SETBP1: variants seen among roughly 807,000 people sequenced by gnomAD.
SETBP1 encodes the protein SET binding protein 1, also known as SET-binding protein.
A neutral mutation model predicts 101.0 loss-of-function variants in SETBP1; 9 were observed. The observed-to-expected ratio is 0.09, with a 90% CI of 0.05 to 0.16. The LOEUF is 0.16. SETBP1 is among the 10% of genes least tolerant of loss of function. The probability of loss-of-function intolerance (pLI) is 1.00; values close to 1 mark genes in which losing one functional copy is unlikely to be tolerated. For missense variants in SETBP1, 1,858 were observed against 2,033.8 expected, an observed-to-expected ratio of 0.91 and a Z score of 1.66; for synonymous variants, 818 against 788.5, an observed-to-expected ratio of 1.04 and a Z score of -0.63.
chr18:44,872,156 A>G (rs1768356066), intron 3 of SETBP1: 1 of 152,230 alleles, frequency 6.6e-6, no homozygotes, highest in South Asian at 2.1e-4. Flanking sequence ...AAGAGGAATA[A>G]GAGCTGACAT....
chr18:44,924,865 C>T (rs1478704777), intron 3 of SETBP1, among the ~76,000 whole-genome samples: 1 of 152,120 alleles, frequency 6.6e-6, no homozygotes, highest in Non-Finnish European at 1.5e-5. Context: ...CAAATGTGTT[C>T]CCAGATGGTT....
chr18:45,052,890 A>C (rs1342683752), intron 5 of SETBP1, among the ~76,000 whole-genome samples: 2 of 152,356 alleles, frequency 1.3e-5, no homozygotes, highest in African/African-American at 4.8e-5. Context: ...ATTCCTAAAA[A>C]TCTGAGAACT....
At chr18:45,058,007 G>A (rs2073837081) in intron 5 of SETBP1, among the ~76,000 whole-genome samples, 1 of 152,202 alleles carries the variant, frequency 6.6e-6, no homozygotes, top group Admixed American at 6.5e-5. Context: ...GATAATGGGA[G>A]TGAAAAGATA....
intron 4 of SETBP1, among the ~76,000 whole-genome samples, chr18:44,975,968 CT>C (rs1451470050): frequency 4.6e-5 from 7 of 152,230 alleles, no homozygotes; most frequent in African/African-American, 1.4e-4. Context: ...GCTCTTTCTA[CT>C]TTCTGTCTAC....
Position 45,064,771 on chromosome 18 carries a change from C to T in SETBP1, c.*1073C>T, listed in dbSNP as rs904654292. ...CAAGTGTCTAGCAATGCCTTGGTAC[C>T]TGATCTTTTTCATTCAAATAATTGT... On this transcript the variant is annotated 3_prime_UTR_variant, in exon 6 of 6. Coordinates refer to ENST00000649279, the MANE Select transcript of SETBP1 (RefSeq NM_015559.3). The T allele has an allele frequency of 1.4e-5, 2 of 146,686 alleles. No individual in the cohort carries two copies. Among genetic ancestry groups the T allele is most frequent in the Non-Finnish European group, 3.0e-5 (2 of 67,352 alleles). 9.1% of individuals were successfully genotyped at this position (146,686 alleles called of 1,614,324 possible). A position where few individuals can be genotyped will look rare whatever the true frequency, so the allele number is the denominator to read the frequency against.
chr18:44,819,277 C>T (rs537895399), intron 2 of SETBP1, among the ~76,000 whole-genome samples: 5 of 152,260 alleles, frequency 3.3e-5, no homozygotes, highest in African/African-American at 4.8e-5. Context: ...ACCAGATACA[C>T]GCAAAATTCA....
intron 5 of SETBP1, among the ~76,000 whole-genome samples, chr18:45,040,914 G>T (rs2073495349): frequency 6.6e-6 from 1 of 152,132 alleles, no homozygotes; most frequent in Non-Finnish European, 1.5e-5. Context: ...CTTTTGGGGG[G>T]AAATAGGCCA....
In SETBP1 at chr18:45,039,119, C is replaced by T. The variant is rs146446700; in HGVS notation, c.4171+464C>T. Reference sequence around the variant, plus strand: ...CCAAAGCCCATGCTCTCAACCAGTGCGTTTCACTGCCTCCCTTGCTCATCA... The same window carrying T: ...CCAAAGCCCATGCTCTCAACCAGTGTGTTTCACTGCCTCCCTTGCTCATCA... On this transcript the variant is annotated intron_variant, in intron 5 of 5. Coordinates refer to ENST00000649279, the MANE Select transcript of SETBP1 (RefSeq NM_015559.3). Among the ~76,000 whole-genome samples the T allele has an allele frequency of 7.4e-4, 113 of 152,288 alleles. No individual in the cohort carries two copies. In the East Asian group the frequency reaches 0.02, roughly 27 times the overall value.
intron 2 of SETBP1, among the ~76,000 whole-genome samples, chr18:44,825,846 T>C (rs1008417918): frequency 2.0e-5 from 3 of 152,212 alleles, no homozygotes; most frequent in African/African-American, 7.2e-5. Context: ...GCGGAATAAG[T>C]ATGGTCCTTG....
At chr18:44,901,493 C>CTGAA (rs1193212521) in intron 3 of SETBP1, among the ~76,000 whole-genome samples, 2 of 152,184 alleles carry the variant, frequency 1.3e-5, no homozygotes, top group African/African-American at 2.4e-5. Flanking sequence ...AGGGGCAGCA[C>CTGAA]TTCAGCCTGT....
intron 2 of SETBP1, among the ~76,000 whole-genome samples, chr18:44,783,153 G>A (rs2071169946): frequency 6.6e-6 from 1 of 152,116 alleles, no homozygotes; most frequent in African/African-American, 2.4e-5. Context: ...ATAAAATAAT[G>A]GATTTGAAAT....
chr18:45,063,830 T>C lies in SETBP1; in HGVS notation c.*132T>C, dbSNP rs912333338. 4.7e-6 allele frequency: 5 copies of C among 1,058,808 alleles called. No individual in the cohort carries two copies. The highest frequency in any genetic ancestry group is 5.4e-6 in the Non-Finnish European group (4 of 738,910). The allele number at this position is 1,058,808 out of a possible 1,614,324, so 65.6% of individuals were successfully genotyped here. On this transcript the variant is annotated 3_prime_UTR_variant, in exon 6 of 6. Transcript: ENST00000649279. ...CTCTCCAGAAGCCGGGCAGGCAGAA[T>C]CCGGCCAGACGACGGGGCTGAGCCA...
intron 2 of SETBP1, among the ~76,000 whole-genome samples, chr18:44,747,119 C>T (rs755402507): frequency 9.9e-5 from 15 of 152,216 alleles, no homozygotes; most frequent in Admixed American, 4.6e-4. Flanking sequence ...TTCCTGGTGA[C>T]TCCAGCATCA....
At chr18:44,875,475 G>A (rs111776855) in intron 3 of SETBP1, among the ~76,000 whole-genome samples, 2 of 144,178 alleles carry the variant, frequency 1.4e-5, no homozygotes, top group African/African-American at 5.2e-5. Flanking sequence ...CGGGGAGTGA[G>A]CCGAGATCGC....
At chr18:44,718,685 C>T (rs993880508) in intron 2 of SETBP1, among the ~76,000 whole-genome samples, 2 of 152,094 alleles carry the variant, frequency 1.3e-5, no homozygotes, top group Non-Finnish European at 2.9e-5. Context: ...TCAGATGTTG[C>T]AAGTGGGGTA....
intron 2 of SETBP1, among the ~76,000 whole-genome samples, chr18:44,703,493 T>C (rs1162792414): frequency 6.6e-6 from 1 of 151,322 alleles, no homozygotes; most frequent in African/African-American, 2.4e-5. Context: ...TGTGGCTGAT[T>C]TTGTTGCATT....
chr18:44,984,076 C>T (rs2072175449), intron 4 of SETBP1, among the ~76,000 whole-genome samples: 1 of 152,114 alleles, frequency 6.6e-6, no homozygotes, highest in African/African-American at 2.4e-5. Context: ...TTGCATGAGC[C>T]TGTAATCCCA....
chr18:44,737,235 C>T (rs567729510), intron 2 of SETBP1, among the ~76,000 whole-genome samples: 1 of 152,334 alleles, frequency 6.6e-6, no homozygotes, highest in South Asian at 2.1e-4. Context: ...CCAGCAGTAA[C>T]AGCTTTCACT....
chr18:44,902,491 G>C (rs2070074691), intron 3 of SETBP1, among the ~76,000 whole-genome samples: 1 of 151,086 alleles, frequency 6.6e-6, no homozygotes, highest in Non-Finnish European at 1.5e-5. Flanking sequence ...GGGGTGGGTG[G>C]GCTGGGAATG....
Sources: gnomAD v4.1 joint callset for allele counts (sites outside exome capture counted in the v4.1 genomes callset) on GRCh38, gnomAD v4.1.1 for gene constraint, MANE v1.5 for transcripts, NCBI Gene and HGNC (gene_info 2026-07-23, HGNC 2026-07-21) for gene names.